CEP112: variants seen among roughly 807,000 people sequenced by gnomAD.
CEP112 encodes the protein centrosomal protein of 112 kDa.
CEP112 carries 127 observed loss-of-function variants against 153.0 expected under a neutral mutation model. That is an observed-to-expected ratio of 0.83 (90% confidence interval 0.72 to 0.96). The LOEUF is 0.96. Among genes scored for constraint, CEP112 ranks in the 40% least tolerant of loss-of-function variants. The pLI is 0.00. For synonymous variants in CEP112, 358 were observed against 374.4 expected, an observed-to-expected ratio of 0.96 and a Z score of 0.51; for missense variants, 1,089 against 1,101.2, an observed-to-expected ratio of 0.99 and a Z score of 0.16.
At chr17:66,120,606 G>C (rs532104432) in intron 6 of CEP112, among the ~76,000 whole-genome samples, 1 of 152,288 alleles carries the variant, frequency 6.6e-6, no homozygotes, top group East Asian at 1.9e-4. Context: ...TGTTGCTCAA[G>C]GACTTTTTCC....
chr17:66,152,283 C>A (rs954813373), intron 4 of CEP112, among the ~76,000 whole-genome samples: 1 of 152,188 alleles, frequency 6.6e-6, no homozygotes, highest in Non-Finnish European at 1.5e-5. Flanking sequence ...AAGGGGGATC[C>A]TTTTTACATA....
intron 17 of CEP112, among the ~76,000 whole-genome samples, chr17:65,980,998 A>G (rs1427728055): frequency 6.6e-6 from 1 of 152,116 alleles, no homozygotes; most frequent in African/African-American, 2.4e-5. Context: ...TTAGTAGAAC[A>G]TGGAGAGGGG....
intron 8 of CEP112, among the ~76,000 whole-genome samples, chr17:66,071,909 T>A (rs1426890057): frequency 6.6e-6 from 1 of 152,180 alleles, no homozygotes; most frequent in African/African-American, 2.4e-5. Context: ...TTTTTGTGTA[T>A]CTTTTTATTT....
At chr17:65,861,920 A>G (rs1005847604) in intron 20 of CEP112, among the ~76,000 whole-genome samples, 1 of 152,228 alleles carries the variant, frequency 6.6e-6, no homozygotes, top group Admixed American at 6.5e-5. Context: ...CCAATAATGT[A>G]CACAGCAGTA....
intron 21 of CEP112, among the ~76,000 whole-genome samples, chr17:65,815,819 T>C (rs1311850225): frequency 6.6e-6 from 1 of 152,124 alleles, no homozygotes; most frequent in Non-Finnish European, 1.5e-5. Flanking sequence ...TATAACTGAT[T>C]TTGCATATGG....
chr17:65,679,925 C>T (rs1212704567), intron 24 of CEP112, among the ~76,000 whole-genome samples: 1 of 152,148 alleles, frequency 6.6e-6, no homozygotes, highest in African/African-American at 2.4e-5. Context: ...TAATATTACC[C>T]GAAAGCTACT....
chr17:65,737,705 G>T (rs1352961176), intron 23 of CEP112, among the ~76,000 whole-genome samples: 5 of 152,212 alleles, frequency 3.3e-5, no homozygotes, highest in Admixed American at 3.3e-4. Flanking sequence ...AGAACACACA[G>T]AGACACTACA....
intron 21 of CEP112, among the ~76,000 whole-genome samples, chr17:65,762,403 T>C (rs1359392386): frequency 1.3e-5 from 2 of 152,020 alleles, no homozygotes; most frequent in African/African-American, 4.8e-5. Context: ...TGCCTTTTAA[T>C]TGGTATGTTT....
At chr17:65,878,765 A>G (rs895916216) in intron 20 of CEP112, among the ~76,000 whole-genome samples, 4 of 152,078 alleles carry the variant, frequency 2.6e-5, no homozygotes, top group Admixed American at 2.6e-4. Flanking sequence ...GCCTGCATAC[A>G]GAGGGGTTGG....
At chr17:66,080,620 T>A (rs2067678814) in intron 8 of CEP112, among the ~76,000 whole-genome samples, 1 of 152,216 alleles carries the variant, frequency 6.6e-6, no homozygotes, top group Admixed American at 6.5e-5. Context: ...CTCAAGGATC[T>A]AGAACCAGAA....
intron 17 of CEP112, among the ~76,000 whole-genome samples, chr17:65,971,930 A>C (rs1396397379): frequency 6.6e-6 from 1 of 152,222 alleles, no homozygotes; most frequent in Non-Finnish European, 1.5e-5. Context: ...GTGAATAAAC[A>C]CATGCACAAT....
At chr17:66,148,081 T>A (rs2070999836) in intron 4 of CEP112, among the ~76,000 whole-genome samples, 1 of 152,280 alleles carries the variant, frequency 6.6e-6, no homozygotes, top group Admixed American at 6.5e-5. Context: ...AAAAATAGGT[T>A]TAATGGACTC....
chr17:66,186,650 AG>A (rs2072948984), intron 1 of CEP112, among the ~76,000 whole-genome samples: 1 of 152,122 alleles, frequency 6.6e-6, no homozygotes, highest in African/African-American at 2.4e-5. Flanking sequence ...CTACTTGGCA[AG>A]GCTGCAATCC....
At chr17:65,886,169 T>G (rs2059269129) in intron 20 of CEP112, among the ~76,000 whole-genome samples, 1 of 152,176 alleles carries the variant, frequency 6.6e-6, no homozygotes, top group African/African-American at 2.4e-5. Flanking sequence ...CAGCATCATT[T>G]AAACCAACCA....
Position 65,743,281 on chromosome 17 carries a change from A to G in CEP112, c.2458-64T>C, listed in dbSNP as rs184947139. On this transcript the variant is annotated intron_variant, in intron 22 of 26. Transcript: ENST00000535342. ...TGGGAGAGGCATCTATTTTATATGT[A>G]TTGATGCTTAACAAAAGAATGGATT... 5 of 1,265,814 alleles carry G rather than the reference A, an allele frequency of 4.0e-6. No homozygotes were observed. In the African/African-American group the frequency reaches 4.5e-5, roughly 11 times the overall value. 78.4% of individuals were successfully genotyped at this position (1,265,814 alleles called of 1,614,324 possible).
chr17:65,763,644 C>T (rs2052749068), intron 21 of CEP112, among the ~76,000 whole-genome samples: 2 of 151,928 alleles, frequency 1.3e-5, no homozygotes, highest in African/African-American at 2.4e-5. Flanking sequence ...TTTTTGATCT[C>T]TAGCATTTCT....
intron 21 of CEP112, among the ~76,000 whole-genome samples, chr17:65,821,848 G>C (rs1173620583): frequency 1.3e-5 from 2 of 151,178 alleles, no homozygotes; most frequent in Non-Finnish European, 2.9e-5. Flanking sequence ...CACCGTGCCT[G>C]GCCTAATATT....
chr17:65,946,753 T>G (rs559093152), intron 18 of CEP112, among the ~76,000 whole-genome samples: 8 of 152,320 alleles, frequency 5.3e-5, no homozygotes, highest in African/African-American at 1.9e-4. Flanking sequence ...TTTTGATTTT[T>G]ATAATTATGG....
intron 23 of CEP112, among the ~76,000 whole-genome samples, chr17:65,712,457 A>AT: frequency 6.6e-6 from 1 of 151,620 alleles, no homozygotes; most frequent in South Asian, 2.1e-4. Context: ...AACATTGCTT[A>AT]TATCTCAGGC....
Sources: allele counts gnomAD v4.1 joint callset (sites outside exome capture counted in the v4.1 genomes callset), GRCh38; gene constraint gnomAD v4.1.1; transcripts MANE v1.5; gene names NCBI Gene and HGNC (gene_info 2026-07-23, HGNC 2026-07-21).